The following HS6ST2 variants were observed in gnomAD, a reference collection of about 807,000 sequenced individuals.
HS6ST2 encodes the protein heparan sulfate 6-O-sulfotransferase 2.
A neutral mutation model predicts 33.0 loss-of-function variants in HS6ST2; 17 were observed. The observed-to-expected ratio is 0.52, with a 90% CI of 0.35 to 0.77. The LOEUF (loss-of-function observed/expected upper bound fraction) is 0.77, where lower values mean the gene tolerates loss of function less well. HS6ST2 is among the 30% of genes least tolerant of loss of function. The pLI, the probability that HS6ST2 is intolerant of heterozygous loss-of-function variation, is 0.01. For synonymous variants in HS6ST2, 248 were observed against 237.1 expected (o/e 1.05, Z -0.42); for missense variants, 519 against 551.7 (o/e 0.94, Z 0.59).
At chrX:132,945,064 G>A (rs1194445064) in intron 2 of HS6ST2, among the ~76,000 whole-genome samples, 1 of 111,752 alleles carries the variant, frequency 8.9e-6, no homozygotes, top group Non-Finnish European at 1.9e-5. Context: ...AGAGTGAACA[G>A]GCAACCTACA....
intron 1 of HS6ST2, 132 bp downstream of exon 1, chrX:132,958,043 C>T: frequency 1.6e-6 from 1 of 640,235 alleles, no homozygotes; most frequent in Non-Finnish European, 2.2e-6. Flanking sequence ...CCTCCGGAGA[C>T]CCTAGCCGGG....
In HS6ST2 at chrX:132,766,042, A is replaced by G. The variant is rs546973456; in HGVS notation, c.948-57548T>C. Among the ~76,000 whole-genome samples, 220 of 111,780 alleles carry G rather than the reference A, an allele frequency of 2.0e-3. 2 individuals are homozygous for G. In the Middle Eastern group the frequency reaches 0.032, roughly 16 times the overall value. On this transcript the variant is annotated intron_variant, in intron 2 of 4. Coordinates refer to ENST00000370833, the MANE Select transcript of HS6ST2 (RefSeq NM_001394073.1). ...TAGACTCACGTGGCAAAGCCTGTTA[A>G]AAGTGCAGATTCTGAGCCTCGGCCC...
At chrX:132,736,661 A>G (rs1011196145) in intron 2 of HS6ST2, among the ~76,000 whole-genome samples, 2 of 111,783 alleles carry the variant, frequency 1.8e-5, no homozygotes, top group African/African-American at 6.5e-5. Flanking sequence ...GTATATTCTT[A>G]TGCATATGCA....
At chrX:132,837,134 A>G (rs182838743) in intron 2 of HS6ST2, among the ~76,000 whole-genome samples, 2 of 112,004 alleles carry the variant, frequency 1.8e-5, no homozygotes, top group East Asian at 2.8e-4. Context: ...AGTACAAGAG[A>G]AAAGCAATTT....
At chrX:132,790,280 G>A (rs1054114754) in intron 2 of HS6ST2, among the ~76,000 whole-genome samples, 17 of 111,983 alleles carry the variant, frequency 1.5e-4, no homozygotes, top group Admixed American at 4.7e-4. Flanking sequence ...GCAAAACAAC[G>A]ACAACTCATT....
intron 2 of HS6ST2, among the ~76,000 whole-genome samples, chrX:132,793,349 T>TG (rs1213564369): frequency 9.0e-6 from 1 of 110,646 alleles, no homozygotes; most frequent in Non-Finnish European, 1.9e-5. Flanking sequence ...CATGAGCCAC[T>TG]GCGCCCAGCC....
chrX:132,788,409 G>A (rs1263055953), intron 2 of HS6ST2, among the ~76,000 whole-genome samples: 2 of 111,443 alleles, frequency 1.8e-5, no homozygotes, highest in Non-Finnish European at 3.8e-5. Context: ...GAAGTTGTGC[G>A]TGTTCAGACT....
In HS6ST2 at chrX:132,629,074, T is replaced by C; in HGVS notation, c.1087A>G (p.Ile363Val). ...TACCGGGACACTGGGTCTCGGAGGA[T>C]GGTGATGTAGTGGAAGTTCCTATGG... ...KSGKNFHYIT[I>V]LRDPVSRYLS... is the part of the protein sequence containing the mutation. The change falls in exon 5 of 5, where the codon ATC becomes GTC. Residue 363 changes from isoleucine (I) to valine (V), a missense_variant. Coordinates refer to ENST00000370833, the MANE Select transcript of HS6ST2 (RefSeq NM_001394073.1). The C allele has an allele frequency of 8.3e-7, 1 of 1,198,725 alleles. No individual in the cohort carries two copies. Among genetic ancestry groups the C allele is most frequent in the Non-Finnish European group, 1.1e-6 (1 of 888,234 alleles).
intron 2 of HS6ST2, among the ~76,000 whole-genome samples, chrX:132,753,792 T>C (rs982620512): frequency 3.6e-5 from 4 of 111,961 alleles, no homozygotes; most frequent in African/African-American, 9.8e-5. Flanking sequence ...GTGCTCACCT[T>C]GTGTGTAAAA....
rs775326371 is a variant in HS6ST2, at chrX:132,785,174, AC to A, written c.948-76681del. ...AGTTACACTTTTCAATTTAAAAGCT[AC>A]ATTTGAGTCTTCTCAACTTAATTGA... On this transcript the variant is annotated intron_variant, in intron 2 of 4. Transcript: ENST00000370833. Among the ~76,000 whole-genome samples, 49 of 112,415 alleles carry A rather than the reference AC, an allele frequency of 4.4e-4. No homozygotes were observed. The East Asian group carries it at 0.011, about 24-fold the overall frequency.
intron 2 of HS6ST2, among the ~76,000 whole-genome samples, chrX:132,792,712 A>T (rs2065128874): frequency 9.0e-6 from 1 of 111,117 alleles, no homozygotes; most frequent in African/African-American, 3.3e-5. Context: ...GTCTCTATGG[A>T]TTTGCTTATT....
At chrX:132,810,429 G>GAGAGAGAAAGAGAGAGACAGAA (rs938747124) in intron 2 of HS6ST2, among the ~76,000 whole-genome samples, 1 of 105,174 alleles carries the variant, frequency 9.5e-6, no homozygotes, top group Admixed American at 1.0e-4. Context: ...AGGAAGGAAG[G>GAGAGAGAAAGAGAGAGACAGAA]AGAGAGAAAG....
At chrX:132,659,230 T>A (rs2148190916) in intron 4 of HS6ST2, among the ~76,000 whole-genome samples, 1 of 112,410 alleles carries the variant, frequency 8.9e-6, no homozygotes, top group South Asian at 3.7e-4. Flanking sequence ...ATTGCCAGCA[T>A]TTTCCAAGCA....
At chrX:132,743,613 G>A (rs1200866776) in intron 2 of HS6ST2, among the ~76,000 whole-genome samples, 1 of 111,448 alleles carries the variant, frequency 9.0e-6, no homozygotes, top group Non-Finnish European at 1.9e-5. Flanking sequence ...TCAGCTATGA[G>A]AGAGGGCGAG....
intron 2 of HS6ST2, among the ~76,000 whole-genome samples, chrX:132,809,547 C>T (rs2065319738): frequency 8.9e-6 from 1 of 111,868 alleles, no homozygotes; most frequent in African/African-American, 3.3e-5. Flanking sequence ...CCTCTGATCC[C>T]ACATTTTAAC....
At chrX:132,716,920 C>T (rs2064279236) in intron 2 of HS6ST2, among the ~76,000 whole-genome samples, 1 of 112,256 alleles carries the variant, frequency 8.9e-6, no homozygotes, top group African/African-American at 3.2e-5. Context: ...TCGCAAGGGG[C>T]TGCTACTCTA....
chrX:132,896,122 G>T (rs1305435545), intron 2 of HS6ST2, among the ~76,000 whole-genome samples: 1 of 110,736 alleles, frequency 9.0e-6, no homozygotes, highest in East Asian at 2.9e-4. Flanking sequence ...AGGCTGGGAA[G>T]GGAAGTGGGG....
At chrX:132,810,897 G>A (rs751236507) in intron 2 of HS6ST2, among the ~76,000 whole-genome samples, 58 of 112,393 alleles carry the variant, frequency 5.2e-4, no homozygotes, top group African/African-American at 1.8e-3. Flanking sequence ...TATGATCAGC[G>A]AAGCCTGGCC....
chrX:132,868,745 A>G (rs192972008), intron 2 of HS6ST2, among the ~76,000 whole-genome samples: 159 of 112,109 alleles, frequency 1.4e-3, no homozygotes, highest in Middle Eastern at 4.6e-3. Flanking sequence ...GAACAAAGAC[A>G]CTACATACCA....
Sources: allele counts gnomAD v4.1 joint callset (sites outside exome capture counted in the v4.1 genomes callset), GRCh38; gene constraint gnomAD v4.1.1; transcripts MANE v1.5; gene names NCBI Gene and HGNC (gene_info 2026-07-23, HGNC 2026-07-21).